The following CATSPERT variants were observed in gnomAD, a reference collection of about 807,000 sequenced individuals.
The protein encoded by CATSPERT is catsper channel auxiliary subunit tau.
the CATSPERT span, among the ~76,000 whole-genome samples, chr2:201,578,052 C>A: frequency 1.3e-5 from 2 of 151,910 alleles, no homozygotes; most frequent in African/African-American, 4.8e-5. Context: ...GAGGAATACA[C>A]CCATATGGAA....
At chr2:201,540,087 A>C in the CATSPERT span, among the ~76,000 whole-genome samples, 1 of 152,216 alleles carries the variant, frequency 6.6e-6, no homozygotes, top group Non-Finnish European at 1.5e-5. Flanking sequence ...ATCCAGAGAA[A>C]GCCCCTAACT....
chr2:201,545,481 T>G, the CATSPERT span: 1 of 1,106,884 alleles, frequency 9.0e-7, no homozygotes, highest in Non-Finnish European at 1.3e-6. Context: ...ATTGTCTTTT[T>G]GTGATATAAT....
At chr2:201,606,626 C>T in the CATSPERT span, among the ~76,000 whole-genome samples, 4 of 152,028 alleles carry the variant, frequency 2.6e-5, no homozygotes, top group Non-Finnish European at 5.9e-5. Context: ...AGGACAGGCA[C>T]GGTGGCTCAC....
At chr2:201,604,926 T>G in the CATSPERT span, among the ~76,000 whole-genome samples, 1 of 152,032 alleles carries the variant, frequency 6.6e-6, no homozygotes, top group African/African-American at 2.4e-5. Context: ...GAAAAGTACA[T>G]AGTTCTTCAG....
the CATSPERT span, among the ~76,000 whole-genome samples, chr2:201,489,843 C>T: frequency 6.7e-6 from 1 of 150,234 alleles, no homozygotes; most frequent in Non-Finnish European, 1.5e-5. Context: ...AGTCTAGTCG[C>T]AGATTTACTT....
the CATSPERT span, chr2:201,511,862 A>AC: frequency 4.7e-5 from 7 of 150,300 alleles, no homozygotes; most frequent in South Asian, 2.1e-4. Flanking sequence ...AAAAAAAAAA[A>AC]AAAAAAAAAA....
the CATSPERT span, among the ~76,000 whole-genome samples, chr2:201,536,637 T>C: frequency 6.6e-6 from 1 of 151,576 alleles, no homozygotes; most frequent in Non-Finnish European, 1.5e-5. Context: ...CACCAATATA[T>C]CATGAAACAA....
the CATSPERT span, among the ~76,000 whole-genome samples, chr2:201,504,472 A>G: frequency 6.6e-6 from 1 of 152,226 alleles, no homozygotes; most frequent in Non-Finnish European, 1.5e-5. Flanking sequence ...ACTCAGAGGC[A>G]TCTCTCCTAC....
the CATSPERT span, among the ~76,000 whole-genome samples, chr2:201,518,226 GGGACTGCAAAAA>G: frequency 1.3e-5 from 2 of 152,156 alleles, no homozygotes; most frequent in African/African-American, 4.8e-5. Flanking sequence ...TGGAGGTAGG[GGGACTGCAAAAA>G]GGCAATAGTT....
the CATSPERT span, among the ~76,000 whole-genome samples, chr2:201,596,378 G>C: frequency 6.6e-6 from 1 of 152,120 alleles, no homozygotes; most frequent in Non-Finnish European, 1.5e-5. Flanking sequence ...TAAATGATTA[G>C]AACACATGGA....
the CATSPERT span, among the ~76,000 whole-genome samples, chr2:201,558,902 C>A: frequency 6.6e-6 from 1 of 152,176 alleles, no homozygotes; most frequent in Admixed American, 6.5e-5. Flanking sequence ...TTGCACAGAG[C>A]CTGGGTCTAG....
At chr2:201,536,730 C>T in the CATSPERT span, among the ~76,000 whole-genome samples, 1 of 151,704 alleles carries the variant, frequency 6.6e-6, no homozygotes, top group African/African-American at 2.4e-5. Context: ...ATTAATAGCA[C>T]CACAGTACAA....
the CATSPERT span, chr2:201,547,652 A>G: frequency 4.0e-6 from 4 of 1,002,684 alleles, no homozygotes; most frequent in Admixed American, 2.8e-5. Context: ...AGCAAGTGAT[A>G]GAAGAATACA....
chr2:201,556,152 C>A, the CATSPERT span: 1 of 152,126 alleles, frequency 6.6e-6, no homozygotes, highest in Admixed American at 6.5e-5. Flanking sequence ...ATTAATATAA[C>A]AATATGGCTT....
chr2:201,493,171 A>C, the CATSPERT span: 2 of 1,529,852 alleles, frequency 1.3e-6, no homozygotes, highest in Admixed American at 3.9e-5. Flanking sequence ...AAGTTTATCC[A>C]TTAATGAGTT....
chr2:201,594,296 G>A, the CATSPERT span, among the ~76,000 whole-genome samples: 1 of 152,186 alleles, frequency 6.6e-6, no homozygotes, highest in Non-Finnish European at 1.5e-5. Flanking sequence ...TAAGAATGTT[G>A]AATATTGGCC....
chr2:201,488,500 A>G, the CATSPERT span, among the ~76,000 whole-genome samples: 2 of 152,266 alleles, frequency 1.3e-5, no homozygotes. Context: ...GTAAACAAGT[A>G]AAACATTTGG....
chr2:201,531,356 C>G, the CATSPERT span, among the ~76,000 whole-genome samples: 1 of 151,884 alleles, frequency 6.6e-6, no homozygotes, highest in Admixed American at 6.6e-5. Flanking sequence ...GTAGTAACAG[C>G]TCTAATTATG....
the CATSPERT span, among the ~76,000 whole-genome samples, chr2:201,616,547 G>T: frequency 6.6e-6 from 1 of 152,140 alleles, no homozygotes; most frequent in African/African-American, 2.4e-5. Flanking sequence ...ACGTATTGAT[G>T]GGACGTATCT....
Sources: gnomAD v4.1 joint callset for allele counts (sites outside exome capture counted in the v4.1 genomes callset) on GRCh38, gnomAD v4.1.1 for gene constraint, MANE v1.5 for transcripts, NCBI Gene and HGNC (gene_info 2026-07-23, HGNC 2026-07-21) for gene names.